The following ATAD1 variants were observed in gnomAD, a reference collection of about 807,000 sequenced individuals.
ATAD1 encodes the protein ATPase family AAA domain containing 1, also known as outer mitochondrial transmembrane helix translocase.
In ATAD1, 18 loss-of-function variants were observed where a neutral mutation model predicts 42.7. The observed-to-expected ratio is 0.42, with a 90% CI of 0.29 to 0.63. The LOEUF (loss-of-function observed/expected upper bound fraction) is 0.63. ATAD1 is among the 20% of genes least tolerant of loss of function. The pLI is 0.19. For missense variants in ATAD1, 294 were observed against 440.4 expected, an observed-to-expected ratio of 0.67 and a Z score of 2.98; for synonymous variants, 132 against 143.1, an observed-to-expected ratio of 0.92 and a Z score of 0.55.
At chr10:87,806,463 G>C (rs750418262) in intron 2 of ATAD1, among the ~76,000 whole-genome samples, 3 of 151,206 alleles carry the variant, frequency 2.0e-5, no homozygotes, top group Non-Finnish European at 4.4e-5. Flanking sequence ...AGATCTTCTC[G>C]TCTCCCAGAA....
intron 3 of ATAD1, among the ~76,000 whole-genome samples, chr10:87,792,031 C>A (rs949462485): frequency 3.9e-5 from 6 of 152,112 alleles, no homozygotes; most frequent in African/African-American, 1.4e-4. Context: ...ACCACAAAGG[C>A]AAATACATAA....
intron 5 of ATAD1, among the ~76,000 whole-genome samples, chr10:87,780,935 T>C (rs1589497297): frequency 6.6e-6 from 1 of 152,156 alleles, no homozygotes; most frequent in South Asian, 2.1e-4. Flanking sequence ...AATGTCCTCC[T>C]TACACAAAAA....
chr10:87,835,984 C>T (rs908061588), intron 1 of ATAD1, among the ~76,000 whole-genome samples: 2 of 152,140 alleles, frequency 1.3e-5, no homozygotes, highest in Admixed American at 6.5e-5. Flanking sequence ...ATTGCATTTA[C>T]ATACACTGAA....
intron 1 of ATAD1, among the ~76,000 whole-genome samples, chr10:87,835,153 T>C (rs1245730297): frequency 2.0e-5 from 3 of 152,164 alleles, no homozygotes; most frequent in African/African-American, 7.2e-5. Context: ...GGATTATGTT[T>C]TGATGAATGT....
At chr10:87,804,733 CAT>C (rs768735388) in intron 2 of ATAD1, among the ~76,000 whole-genome samples, 8 of 152,134 alleles carry the variant, frequency 5.3e-5, no homozygotes, top group Non-Finnish European at 8.8e-5. Context: ...ACAGTTAACA[CAT>C]ATTCATCCTG....
Position 87,789,582 on chromosome 10 carries a change from C to T in ATAD1, c.382+728G>A, listed in dbSNP as rs368754505. On this transcript the variant is annotated intron_variant, in intron 4 of 9. Coordinates refer to ENST00000680024, the MANE Select transcript of ATAD1 (RefSeq NM_001321967.2). Reference sequence around the variant, plus strand: ...CCAAAAATATAAAAAAAGAGCCAGGCGTGGTGGCACATGCCTGTGGTCCCA... The same window carrying T: ...CCAAAAATATAAAAAAAGAGCCAGGTGTGGTGGCACATGCCTGTGGTCCCA... 6.6e-5 allele frequency among the ~76,000 whole-genome samples: 10 copies of T among 151,986 alleles called. No homozygotes were observed. The East Asian group carries it at 9.6e-4, about 15-fold the overall frequency.
Position 87,814,606 on chromosome 10 carries a change from T to C in ATAD1, c.-7A>G. ...AGGCTTCAGCATGTACCATCTTGAA[T>C]GTTAACCTTAAAAAAACAAACAGAA... On this transcript the variant is annotated 5_prime_UTR_variant, in exon 2 of 10. Coordinates refer to ENST00000680024, the MANE Select transcript of ATAD1 (RefSeq NM_001321967.2). 2.5e-6 allele frequency: 4 copies of C among 1,592,348 alleles called. No homozygotes were observed. The highest frequency in any genetic ancestry group is 3.4e-6 in the Non-Finnish European group (4 of 1,171,104).
intron 5 of ATAD1, among the ~76,000 whole-genome samples, chr10:87,783,384 A>C (rs1470083134): frequency 1.3e-5 from 2 of 152,012 alleles, no homozygotes; most frequent in Non-Finnish European, 2.9e-5. Flanking sequence ...AAAAAAACAA[A>C]AACAAAATAA....
chr10:87,751,604 T>G lies in ATAD1; in HGVS notation c.*3083A>C, dbSNP rs1010326753. On this transcript the variant is annotated 3_prime_UTR_variant, in exon 10 of 10. Transcript: ENST00000680024. ...TTTAGGCAGAATGTTTTCCTATACA[T>G]GTAAATAAAGAGAACTTTAGCTTTA... is the stretch of plus-strand genomic sequence containing the variant. 1 of 152,138 alleles carries G rather than the reference T, an allele frequency of 6.6e-6. No individual in the cohort carries two copies. Among genetic ancestry groups the G allele is most frequent in the African/African-American group, 2.4e-5 (1 of 41,420 alleles). The allele number at this position is 152,138 out of a possible 1,614,324, so 9.4% of individuals were successfully genotyped here. A position where few individuals can be genotyped will look rare whatever the true frequency, so the allele number is the denominator to read the frequency against.
intron 8 of ATAD1, among the ~76,000 whole-genome samples, chr10:87,766,648 T>C (rs1854765654): frequency 1.3e-5 from 2 of 151,720 alleles, no homozygotes; most frequent in South Asian, 4.2e-4. Context: ...AAATACATGG[T>C]AAAAATACAA....
intron 8 of ATAD1, among the ~76,000 whole-genome samples, chr10:87,758,173 T>C (rs571818722): frequency 7.2e-5 from 11 of 152,308 alleles, no homozygotes; most frequent in Admixed American, 5.2e-4. Flanking sequence ...AGGAGACATC[T>C]ACATTAAAGT....
intron 8 of ATAD1, among the ~76,000 whole-genome samples, chr10:87,761,507 C>T (rs1165974430): frequency 6.6e-6 from 1 of 151,938 alleles, no homozygotes; most frequent in African/African-American, 2.4e-5. Context: ...ACTAAAAATA[C>T]AAAAAATTCG....
upstream of ATAD1, chr10:87,819,263 C>CAAAAAAAAAAAAAAAAAAAAA (rs57941047): frequency 1.3e-4 from 7 of 53,716 alleles, no homozygotes; most frequent in African/African-American, 5.1e-4. Flanking sequence ...ATCGTCTCTA[C>CAAAAAAAAAAAAAAAAAAAAA]AAAAAAAAAA....
intron 2 of ATAD1, among the ~76,000 whole-genome samples, chr10:87,806,460 C>A (rs1477037246): frequency 6.6e-6 from 1 of 152,058 alleles, no homozygotes; most frequent in Non-Finnish European, 1.5e-5. Flanking sequence ...TACAGATCTT[C>A]TCGTCTCCCA....
Position 87,809,641 on chromosome 10 carries a change from T to TTTTATTTA in ATAD1, c.162+4789_162+4796dup, listed in dbSNP as rs144658707. 8.9e-3 allele frequency among the ~76,000 whole-genome samples: 1,342 copies of TTTTATTTA among 150,338 alleles called. 22 individuals carry two copies. The highest frequency in any genetic ancestry group is 0.031 in the African/African-American group (1,265 of 40,818). On this transcript the variant is annotated intron_variant, in intron 2 of 9. Transcript: ENST00000680024. ...AGTCCTAATTTTTTTTATTTATTAA[T>TTTTATTTA]TTTATTTATTTATTTATTTATTTAT...
upstream of ATAD1, chr10:87,819,402 G>T (rs1348854021): frequency 1.3e-5 from 2 of 151,700 alleles, no homozygotes; most frequent in African/African-American, 4.8e-5. Flanking sequence ...CAGTGATCAA[G>T]CCACTCCACT....
At chr10:87,811,037 C>T (rs1857151968) in intron 2 of ATAD1, among the ~76,000 whole-genome samples, 1 of 151,998 alleles carries the variant, frequency 6.6e-6, no homozygotes, top group Admixed American at 6.6e-5. Flanking sequence ...TCATGAATGC[C>T]TTTAAGATTT....
chr10:87,800,868 T>C (rs1030222633), intron 2 of ATAD1, among the ~76,000 whole-genome samples: 3 of 152,138 alleles, frequency 2.0e-5, no homozygotes, highest in East Asian at 1.9e-4. Context: ...GGGACTATCA[T>C]AGAAGAGGCG....
chr10:87,798,409 T>G, intron 2 of ATAD1, among the ~76,000 whole-genome samples: 1 of 152,158 alleles, frequency 6.6e-6, no homozygotes, highest in East Asian at 1.9e-4. Flanking sequence ...CACATTTACA[T>G]TAAAGAAAAA....
Sources: allele counts gnomAD v4.1 joint callset (sites outside exome capture counted in the v4.1 genomes callset), GRCh38; gene constraint gnomAD v4.1.1; transcripts MANE v1.5; gene names NCBI Gene and HGNC (gene_info 2026-07-23, HGNC 2026-07-21).